Variants in ZFAND4 observed in about 807,000 individuals in gnomAD.
ZFAND4 encodes zinc finger AN1-type containing 4.
In ZFAND4, 43 loss-of-function variants were observed where a neutral mutation model predicts 64.4. The observed-to-expected ratio is 0.67, with a 90% CI of 0.52 to 0.86. The LOEUF (loss-of-function observed/expected upper bound fraction) is 0.86. ZFAND4 is among the 40% of genes least tolerant of loss of function. The pLI is 0.00. For missense variants in ZFAND4, 929 were observed against 859.8 expected (o/e 1.08, Z -1.01); for synonymous variants, 296 against 305.7 (o/e 0.97, Z 0.33).
chr10:45,616,483 G>A lies in ZFAND4; in HGVS notation c.2137C>T (p.His713Tyr). 1 of 1,614,212 alleles carries A rather than the reference G, an allele frequency of 6.2e-7. No individual in the cohort carries two copies. The stretch of plus-strand genomic sequence containing the variant: ...GCATTAACCACAGGATTTGCCTCGT[G>A]CAAGTATCTCCTCCCTGCACTCTTG... ...DYKSAGRRYL[H>Y]EANPVVNAPK... Residue 713 changes from histidine (H) to tyrosine (Y), a missense_variant, in exon 10 of 10, where the codon CAC becomes TAC. By Grantham distance (83) the His-to-Tyr change is moderately conservative (BLOSUM62 2). Coordinates refer to ENST00000344646, the MANE Select transcript of ZFAND4 (RefSeq NM_174890.4).
At chr10:45,625,570 T>C (rs1400836556) in intron 7 of ZFAND4, among the ~76,000 whole-genome samples, 2 of 151,246 alleles carry the variant, frequency 1.3e-5, no homozygotes, top group East Asian at 4.2e-4. Flanking sequence ...TAAAAACATT[T>C]AGCATTTAAA....
At chr10:45,639,771 A>T (rs1195368227) in intron 6 of ZFAND4, 45 bp downstream of exon 6, 1 of 1,560,580 alleles carries the variant, frequency 6.4e-7, no homozygotes, top group Admixed American at 2.0e-5. Context: ...AGTGCTCTGC[A>T]GGGGTAAGCT....
At chr10:45,640,322 A>G in intron 5 of ZFAND4, 1 of 1,257,210 alleles carries the variant, frequency 8.0e-7, no homozygotes, top group Non-Finnish European at 1.0e-6. Flanking sequence ...TAATTGTGCA[A>G]CCCAGACAAC....
chr10:45,622,814 T>C (rs1394109143), intron 8 of ZFAND4, among the ~76,000 whole-genome samples: 1 of 152,224 alleles, frequency 6.6e-6, no homozygotes, highest in Non-Finnish European at 1.5e-5. Context: ...TGAAAGTTGT[T>C]GTATACTGTT....
At chr10:45,621,218 A>G (rs1239898031) in intron 8 of ZFAND4, among the ~76,000 whole-genome samples, 6 of 152,196 alleles carry the variant, frequency 3.9e-5, no homozygotes, top group South Asian at 4.1e-4. Flanking sequence ...CAGAGGACCA[A>G]TGGAGGAATT....
chr10:45,634,338 C>T (rs1437306143), intron 6 of ZFAND4, among the ~76,000 whole-genome samples: 1 of 152,022 alleles, frequency 6.6e-6, no homozygotes, highest in African/African-American at 2.4e-5. Flanking sequence ...TTCTGGCCAA[C>T]ATGGTGAAAC....
At chr10:45,657,091 G>A (rs1201340440) in intron 2 of ZFAND4, among the ~76,000 whole-genome samples, 1 of 149,168 alleles carries the variant, frequency 6.7e-6, no homozygotes, top group Non-Finnish European at 1.5e-5. Flanking sequence ...TTAGCTCACT[G>A]CAATCTCCAT....
Position 45,634,251 on chromosome 10 carries a change from G to A in ZFAND4, c.717+5565C>T, listed in dbSNP as rs141277385. On this transcript the variant is annotated intron_variant, in intron 6 of 9. Coordinates refer to ENST00000344646, the MANE Select transcript of ZFAND4 (RefSeq NM_174890.4). ...ATAATTAAACATTTCTCAGCCAGGC[G>A]CGGTGGCTCATGCCTGTAATCCCAG... 1.6e-4 allele frequency among the ~76,000 whole-genome samples: 24 copies of A among 152,232 alleles called. 1 individual carries two copies. In the South Asian group the frequency reaches 2.3e-3, roughly 14 times the overall value.
At chr10:45,638,134 T>C (rs1454871260) in intron 6 of ZFAND4, among the ~76,000 whole-genome samples, 1 of 152,084 alleles carries the variant, frequency 6.6e-6, no homozygotes, top group African/African-American at 2.4e-5. Context: ...TTGACAAGAA[T>C]GTGGCATAAA....
At chr10:45,640,525 C>G (rs572502627) in intron 5 of ZFAND4, 2 of 843,386 alleles carry the variant, frequency 2.4e-6, no homozygotes, top group Admixed American at 9.0e-5. Context: ...CAGTCTCACT[C>G]TTGTCGCCAG....
chr10:45,648,049 T>C (rs1272863359), intron 5 of ZFAND4, among the ~76,000 whole-genome samples: 1 of 152,224 alleles, frequency 6.6e-6, no homozygotes, highest in Non-Finnish European at 1.5e-5. Context: ...GGTTGTATAA[T>C]AACACACTAT....
intron 5 of ZFAND4, among the ~76,000 whole-genome samples, chr10:45,641,461 T>C (rs1442438602): frequency 6.6e-6 from 1 of 152,204 alleles, no homozygotes. Flanking sequence ...AAGCACATAT[T>C]GTCACACAAG....
At chr10:45,662,778 T>A in intron 2 of ZFAND4, 2 of 547,548 alleles carry the variant, frequency 3.7e-6, no homozygotes, top group Non-Finnish European at 4.7e-6. Flanking sequence ...ATTCTGAACT[T>A]AAACCAGCTG....
intron 2 of ZFAND4, chr10:45,662,640 C>A (rs1393601059): frequency 1.4e-5 from 14 of 985,294 alleles, no homozygotes; most frequent in African/African-American, 1.7e-5. Context: ...GATGTGGTCA[C>A]TGGACTCGGC....
chr10:45,645,556 CTTCATAATGT>C, intron 5 of ZFAND4, among the ~76,000 whole-genome samples: 1 of 152,016 alleles, frequency 6.6e-6, no homozygotes, highest in East Asian at 1.9e-4. Context: ...TTACTGTGGA[CTTCATAATGT>C]TTCATAATGA....
intron 3 of ZFAND4, 54 bp from the exon 4 acceptor site, chr10:45,652,087 A>G: frequency 6.4e-7 from 1 of 1,560,814 alleles, no homozygotes; most frequent in Middle Eastern, 1.7e-4. Context: ...CATTCAGTTA[A>G]ATGTACACAT....
chr10:45,656,501 C>CAAAAAAAAAAAAAAAAAAAAAAAAGAAAA (rs2048124018), intron 2 of ZFAND4, among the ~76,000 whole-genome samples: 1 of 24,714 alleles, frequency 4.0e-5, no homozygotes, highest in Non-Finnish European at 7.1e-5. Context: ...GAACCTGTCT[C>CAAAAAAAAAAAAAAAAAAAAAAAAGAAAA]AAAAAAAAAA....
At chr10:45,630,096 C>T (rs1208241846) in intron 6 of ZFAND4, among the ~76,000 whole-genome samples, 2 of 151,852 alleles carry the variant, frequency 1.3e-5, no homozygotes, top group Admixed American at 6.6e-5. Context: ...CAGACCAAAT[C>T]CATGTAAAGC....
chr10:45,637,535 A>G (rs2046691658), intron 6 of ZFAND4, among the ~76,000 whole-genome samples: 1 of 152,054 alleles, frequency 6.6e-6, no homozygotes, highest in African/African-American at 2.4e-5. Flanking sequence ...GCAGATGACA[A>G]GGTCAGAAGT....
Sources: allele counts gnomAD v4.1 joint callset (sites outside exome capture counted in the v4.1 genomes callset), GRCh38; gene constraint gnomAD v4.1.1; transcripts MANE v1.5; gene names NCBI Gene and HGNC (gene_info 2026-07-23, HGNC 2026-07-21).